Variants in CGGBP1 observed in about 807,000 individuals in gnomAD.
CGGBP1 encodes CGG triplet repeat binding protein 1.
In CGGBP1, 4 loss-of-function variants were observed where a neutral mutation model predicts 11.4. The observed-to-expected ratio is 0.35, with a 90% confidence interval of 0.17 to 0.80. CGGBP1 has a LOEUF of 0.80. CGGBP1 is among the 30% of genes least tolerant of loss of function. The pLI is 0.52. For synonymous variants in CGGBP1, 76 were observed against 74.1 expected (o/e 1.03, Z -0.13); for missense variants, 135 against 202.1 (o/e 0.67, Z 2.01).
At chr3:88,087,277 C>T (rs1254859136) in intron 2 of CGGBP1, among the ~76,000 whole-genome samples, 1 of 151,772 alleles carries the variant, frequency 6.6e-6, no homozygotes, top group African/African-American at 2.4e-5. Context: ...AGGGTTTCAC[C>T]GTGTTGGCCA....
intron 2 of CGGBP1, among the ~76,000 whole-genome samples, chr3:88,124,296 GT>G: frequency 6.6e-6 from 1 of 152,154 alleles, no homozygotes; most frequent in East Asian, 1.9e-4. Context: ...GAGCAGAGAG[GT>G]TAAGTAACTT....
upstream of CGGBP1, chr3:88,059,631 G>A (rs774671844): frequency 2.0e-4 from 266 of 1,351,372 alleles, no homozygotes; most frequent in Non-Finnish European, 2.5e-4. Context: ...GGAGGGTGAG[G>A]CTGAAGCTCC....
At chr3:88,060,493 C>T (rs1215972157), upstream of CGGBP1, among the ~76,000 whole-genome samples, 1 of 152,178 alleles carries the variant, frequency 6.6e-6, no homozygotes, top group Non-Finnish European at 1.5e-5. Context: ...AAAAAATTAA[C>T]TGCTCCTTTT....
intron 1 of CGGBP1, among the ~76,000 whole-genome samples, chr3:88,145,432 T>C (rs1298629588): frequency 6.6e-6 from 1 of 152,174 alleles, no homozygotes; most frequent in Non-Finnish European, 1.5e-5. Flanking sequence ...ATGATCAGTC[T>C]GATTTATGGT....
Position 88,115,118 on chromosome 3 carries a change from C to T in CGGBP1, c.-229+25852G>A, listed in dbSNP as rs551651778. Among the ~76,000 whole-genome samples the T allele has an allele frequency of 3.2e-3, 493 of 152,168 alleles. 4 individuals carry two copies. Among genetic ancestry groups the T allele is most frequent in the African/African-American group, 0.011 (460 of 41,500 alleles). ...CATATTTTAATGTACATAAAGATCA[C>T]CTGGGGATCTTGTTAAAATTTAGAT... On this transcript the variant is annotated intron_variant, in intron 2 of 3. Coordinates refer to the CGGBP1 transcript ENST00000462901.
At chr3:88,128,627 C>A (rs941546256) in intron 2 of CGGBP1, among the ~76,000 whole-genome samples, 1 of 152,016 alleles carries the variant, frequency 6.6e-6, no homozygotes, top group Non-Finnish European at 1.5e-5. Context: ...TGGTGTCACT[C>A]TTCTTTTCCT....
chr3:88,113,031 T>G, intron 2 of CGGBP1: 1 of 853,864 alleles, frequency 1.2e-6, no homozygotes, highest in Admixed American at 3.0e-5. Flanking sequence ...AATATTGATA[T>G]TAGATAGCTG....
intron 2 of CGGBP1, among the ~76,000 whole-genome samples, chr3:88,105,265 T>C (rs1318340351): frequency 3.0e-5 from 4 of 134,862 alleles, no homozygotes; most frequent in Non-Finnish European, 6.5e-5. Context: ...GATAAACAGA[T>C]ACATACATTT....
chr3:88,124,164 G>C (rs372729025), intron 2 of CGGBP1, among the ~76,000 whole-genome samples: 2 of 152,132 alleles, frequency 1.3e-5, no homozygotes, highest in Non-Finnish European at 2.9e-5. Context: ...TCTTTTGAGC[G>C]CTTACTAGGT....
At chr3:88,116,298 A>G (rs1215629153) in intron 2 of CGGBP1, among the ~76,000 whole-genome samples, 1 of 152,130 alleles carries the variant, frequency 6.6e-6, no homozygotes, top group Non-Finnish European at 1.5e-5. Flanking sequence ...AGGCGGGCAG[A>G]TCACCTGAGG....
chr3:88,087,461 C>T (rs2107665988), intron 2 of CGGBP1, among the ~76,000 whole-genome samples: 1 of 152,212 alleles, frequency 6.6e-6, no homozygotes, highest in South Asian at 2.1e-4. Flanking sequence ...CTTCTGCCCT[C>T]CTAAGAACCC....
intron 2 of CGGBP1, chr3:88,140,252 G>T (rs757750732): frequency 6.2e-7 from 1 of 1,613,814 alleles, no homozygotes; most frequent in Non-Finnish European, 8.5e-7. Flanking sequence ...TTCCTCTGCT[G>T]TATGAACATG....
At chr3:88,079,977 G>T (rs1232586107) in intron 2 of CGGBP1, among the ~76,000 whole-genome samples, 8 of 151,786 alleles carry the variant, frequency 5.3e-5, no homozygotes, top group Non-Finnish European at 1.0e-4. Flanking sequence ...ATGACTTTTA[G>T]ATTTCCATTA....
rs373817082 is a variant in CGGBP1, at chr3:88,076,567, CTGTTT to C, written c.-228-18349_-228-18345del. Among the ~76,000 whole-genome samples, 42 of 152,130 alleles carry C rather than the reference CTGTTT, an allele frequency of 2.8e-4. No individual in the cohort carries two copies. The East Asian group carries it at 4.6e-3, about 17-fold the overall frequency. ...CCACTGTTAATTGTGAGTGCATCAT[CTGTTT>C]TGTTTTGTTTTGTTTTGTTTTAAAC... On this transcript the variant is annotated intron_variant, in intron 2 of 3. Coordinates refer to the CGGBP1 transcript ENST00000462901.
chr3:88,078,002 ATGT>A (rs1707903410), intron 2 of CGGBP1, among the ~76,000 whole-genome samples: 1 of 152,192 alleles, frequency 6.6e-6, no homozygotes, highest in Non-Finnish European at 1.5e-5. Context: ...CCTTTGTGAA[ATGT>A]TGTGAAATTT....
intron 2 of CGGBP1, among the ~76,000 whole-genome samples, chr3:88,090,316 C>T (rs550223538): frequency 6.6e-6 from 1 of 152,108 alleles, no homozygotes; most frequent in East Asian, 1.9e-4. Flanking sequence ...ATATTGATGA[C>T]CCTGATTCTA....
At chr3:88,086,760 A>G (rs1304723937) in intron 2 of CGGBP1, among the ~76,000 whole-genome samples, 2 of 152,128 alleles carry the variant, frequency 1.3e-5, no homozygotes, top group Non-Finnish European at 2.9e-5. Context: ...GAAAGAGGTT[A>G]GGAAAATCCT....
intron 2 of CGGBP1, among the ~76,000 whole-genome samples, chr3:88,101,673 T>A (rs755326438): frequency 6.6e-6 from 1 of 152,136 alleles, no homozygotes; most frequent in Non-Finnish European, 1.5e-5. Context: ...TCTTTTCATT[T>A]CTCCTAGGTA....
chr3:88,056,283 T>A (rs1178695259), intron 3 of CGGBP1: 2 of 232,662 alleles, frequency 8.6e-6, no homozygotes, highest in Non-Finnish European at 1.7e-5. Flanking sequence ...ATGTCACCAT[T>A]ATTTAGGGAA....
Sources: allele counts gnomAD v4.1 joint callset (sites outside exome capture counted in the v4.1 genomes callset), GRCh38; gene constraint gnomAD v4.1.1; transcripts MANE v1.5; gene names NCBI Gene and HGNC (gene_info 2026-07-23, HGNC 2026-07-21).